Variants in CTIF observed in about 807,000 individuals in gnomAD.
CTIF encodes cap binding complex dependent translation initiation factor.
CTIF carries 21 observed loss-of-function variants against 66.0 expected under a neutral mutation model. That is an observed-to-expected ratio of 0.32 (90% CI 0.23 to 0.46). CTIF has a LOEUF of 0.46. Ranked by LOEUF, CTIF falls within the 20% of genes least tolerant of loss-of-function variation. The pLI, the probability that CTIF is intolerant of heterozygous loss-of-function variation, is 1.00. For missense variants in CTIF, 739 were observed against 812.7 expected, an observed-to-expected ratio of 0.91 and a Z score of 1.10; for synonymous variants, 345 against 326.4, an observed-to-expected ratio of 1.06 and a Z score of -0.62.
chr18:48,722,920 C>T (rs2092354044), intron 7 of CTIF, among the ~76,000 whole-genome samples: 2 of 152,256 alleles, frequency 1.3e-5, no homozygotes, highest in South Asian at 2.1e-4. Flanking sequence ...CTGGCCCACC[C>T]TCTGCCAAGC....
intron 7 of CTIF, among the ~76,000 whole-genome samples, chr18:48,714,378 C>T (rs2092259480): frequency 6.6e-6 from 1 of 152,196 alleles, no homozygotes; most frequent in Non-Finnish European, 1.5e-5. Flanking sequence ...TGCCTCTGAT[C>T]TCCCCCCACC....
intron 9 of CTIF, among the ~76,000 whole-genome samples, chr18:48,762,081 C>T (rs1455580667): frequency 6.6e-6 from 1 of 152,188 alleles, no homozygotes; most frequent in Non-Finnish European, 1.5e-5. Context: ...AGGGCTAGGT[C>T]CTTAGACCTT....
chr18:48,664,897 G>A (rs1357330366), intron 5 of CTIF, among the ~76,000 whole-genome samples: 1 of 136,056 alleles, frequency 7.3e-6, no homozygotes, highest in Non-Finnish European at 1.5e-5. Flanking sequence ...GACTGAGGCT[G>A]TGTGTTTCTT....
In CTIF at chr18:48,650,443, GAAAC is replaced by G. The variant is rs371605458; in HGVS notation, c.253-13301_253-13298del. Among the ~76,000 whole-genome samples, 912 of 152,236 alleles carry G rather than the reference GAAAC, an allele frequency of 6.0e-3. 6 individuals carry two copies. Among genetic ancestry groups the G allele is most frequent in the South Asian group, 8.1e-3 (39 of 4,830 alleles). ...AAGTTTAGAGAAAAAAGAATAAAAA[GAAAC>G]AAACAAAGCCTCCAAGAAATATAGG... is the stretch of plus-strand genomic sequence containing the variant. On this transcript the variant is annotated intron_variant, in intron 3 of 11. Coordinates refer to ENST00000256413, the MANE Select transcript of CTIF (RefSeq NM_014772.3).
At chr18:48,614,003 C>A (rs1361752746) in intron 1 of CTIF, among the ~76,000 whole-genome samples, 2 of 152,196 alleles carry the variant, frequency 1.3e-5, no homozygotes, top group Admixed American at 6.5e-5. Context: ...CGGAGCAGAG[C>A]CGGGAGAGGA....
intron 9 of CTIF, among the ~76,000 whole-genome samples, chr18:48,812,363 C>G (rs116578249): frequency 1.2e-4 from 19 of 152,250 alleles, no homozygotes; most frequent in Middle Eastern, 3.4e-3. Context: ...ATCTTTCTCT[C>G]GCTTTCACTC....
chr18:48,545,889 G>A (rs894851524), intron 1 of CTIF, among the ~76,000 whole-genome samples: 4 of 152,210 alleles, frequency 2.6e-5, no homozygotes, highest in East Asian at 1.9e-4. Flanking sequence ...GGCCGCTGTC[G>A]TCAGGGAAGC....
At chr18:48,691,604 G>A (rs1217512995) in intron 6 of CTIF, among the ~76,000 whole-genome samples, 1 of 152,154 alleles carries the variant, frequency 6.6e-6, no homozygotes, top group Non-Finnish European at 1.5e-5. Context: ...GCTGGGAACA[G>A]GTGCTCATGT....
chr18:48,667,379 C>G (rs1002150868), intron 5 of CTIF, among the ~76,000 whole-genome samples: 1 of 152,176 alleles, frequency 6.6e-6, no homozygotes, highest in Non-Finnish European at 1.5e-5. Flanking sequence ...GTTGAACCAT[C>G]TGGGAAAGGC....
chr18:48,659,932 A>G (rs71355354), intron 3 of CTIF, among the ~76,000 whole-genome samples: 10,891 of 151,916 alleles, frequency 0.072, 436 homozygotes, highest in South Asian at 0.097. Context: ...TCGTTCAGGG[A>G]TATGTTCCCT....
chr18:48,741,276 C>G (rs370939145), intron 7 of CTIF, among the ~76,000 whole-genome samples: 3 of 93,420 alleles, frequency 3.2e-5, no homozygotes, highest in Admixed American at 1.2e-4. Flanking sequence ...TTTACTCTGC[C>G]CCCGCCCCCC....
At chr18:48,589,126 C>T (rs1341832018) in intron 1 of CTIF, among the ~76,000 whole-genome samples, 2 of 152,170 alleles carry the variant, frequency 1.3e-5, no homozygotes, top group Non-Finnish European at 2.9e-5. Flanking sequence ...CTCATGCCTG[C>T]GTGTATGAGT....
chr18:48,606,203 C>A (rs999722043), intron 1 of CTIF, among the ~76,000 whole-genome samples: 1 of 152,236 alleles, frequency 6.6e-6, no homozygotes, highest in Non-Finnish European at 1.5e-5. Flanking sequence ...TCATCCGTCC[C>A]TTTCCCCCTT....
intron 5 of CTIF, among the ~76,000 whole-genome samples, chr18:48,664,909 CTTT>C (rs368586647): frequency 1.6e-5 from 1 of 62,128 alleles, no homozygotes. Context: ...GTGTTTCTTT[CTTT>C]TTTTTTTTTT....
chr18:48,774,033 G>GGTCT (rs900444652), intron 9 of CTIF, among the ~76,000 whole-genome samples: 3 of 152,118 alleles, frequency 2.0e-5, no homozygotes, highest in Admixed American at 2.0e-4. Context: ...CGGAGACAGA[G>GGTCT]GTCTCCCCAG....
chr18:48,664,440 C>T lies in CTIF; in HGVS notation c.327-7C>T, dbSNP rs369450434. On this transcript the variant is annotated splice_polypyrimidine_tract_variant and splice_region_variant and intron_variant, in intron 4 of 11. Transcript: ENST00000256413. ...GCCTCCGTTTCTCACCCTCCCTCGC[C>T]CTCTAGTGGTGCCACCTGGGACCTG... 46 of 1,612,226 alleles carry T rather than the reference C, an allele frequency of 2.9e-5. No homozygotes were observed. The highest frequency in any genetic ancestry group is 1.6e-4 in the Middle Eastern group (1 of 6,080).
At chr18:48,542,143 G>C (rs967755404) in intron 1 of CTIF, among the ~76,000 whole-genome samples, 1 of 152,184 alleles carries the variant, frequency 6.6e-6, no homozygotes, top group Non-Finnish European at 1.5e-5. Flanking sequence ...TTCCTAATGA[G>C]AGCAGCCACT....
At chr18:48,852,636 T>C (rs552061959) in intron 10 of CTIF, among the ~76,000 whole-genome samples, 3 of 152,330 alleles carry the variant, frequency 2.0e-5, no homozygotes, top group South Asian at 2.1e-4. Flanking sequence ...GAGGGGTCAC[T>C]GCCCCAGAGT....
At chr18:48,653,228 C>A (rs756532999) in intron 3 of CTIF, among the ~76,000 whole-genome samples, 1 of 152,126 alleles carries the variant, frequency 6.6e-6, no homozygotes, top group Non-Finnish European at 1.5e-5. Flanking sequence ...ACTTAGAAAA[C>A]CCCATCGTCT....
Sources: gnomAD v4.1 joint callset for allele counts (sites outside exome capture counted in the v4.1 genomes callset) on GRCh38, gnomAD v4.1.1 for gene constraint, MANE v1.5 for transcripts, NCBI Gene and HGNC (gene_info 2026-07-23, HGNC 2026-07-21) for gene names.